Variants in STN1 observed in about 807,000 individuals in gnomAD.
The protein encoded by STN1 is CST complex subunit STN1.
In STN1, 29 loss-of-function variants were observed where a neutral mutation model predicts 45.5. That is an observed-to-expected ratio of 0.64 (90% CI 0.47 to 0.87). The LOEUF (loss-of-function observed/expected upper bound fraction) is 0.87, where lower values mean the gene tolerates loss of function less well. Ranked by LOEUF, STN1 falls within the 40% of genes least tolerant of loss-of-function variation. The probability of loss-of-function intolerance (pLI) is 0.00; values close to 1 mark genes in which losing one functional copy is unlikely to be tolerated. For synonymous variants in STN1, 148 were observed against 159.0 expected (o/e 0.93, Z 0.52); for missense variants, 376 against 441.4 (o/e 0.85, Z 1.33).
In STN1 at chr10:103,900,068, T is replaced by A. The variant is rs2487999; in HGVS notation, c.451A>T (p.Thr151Ser). ...AGAAATATCTTGTGCTTACAGTAAGTGGTGGCATGAATCTCTCGCTCTTCT... is the reference window on the plus strand; with the variant it reads ...AGAAATATCTTGTGCTTACAGTAAGAGGTGGCATGAATCTCTCGCTCTTCT... Reference protein sequence around the residue: ...YREEREIHATTYYKVDDPVWN... With the variant: ...YREEREIHATSYYKVDDPVWN... Residue 151 changes from threonine (T) to serine (S), a missense_variant, in exon 5 of 10, where the codon ACT becomes TCT. Physicochemically the swap from Thr to Ser is moderately conservative, Grantham distance 58. Coordinates refer to ENST00000224950, the MANE Select transcript of STN1 (RefSeq NM_024928.5). The A allele has an allele frequency of 5.0e-6, 8 of 1,613,818 alleles. No homozygotes were observed. The Admixed American group carries it at 5.0e-5, about 10-fold the overall frequency.
chr10:103,902,648 T>C (rs1038283836), intron 4 of STN1, among the ~76,000 whole-genome samples: 1 of 152,208 alleles, frequency 6.6e-6, no homozygotes, highest in African/African-American at 2.4e-5. Context: ...ACATTCAATG[T>C]GACATTTATG....
intron 7 of STN1, among the ~76,000 whole-genome samples, chr10:103,893,561 G>A (rs888202570): frequency 6.6e-6 from 1 of 152,196 alleles, no homozygotes; most frequent in African/African-American, 2.4e-5. Context: ...AAAAGCATTT[G>A]AAGGCCAAGT....
At chr10:103,886,281 G>T (rs1005745591) in intron 9 of STN1, among the ~76,000 whole-genome samples, 5 of 152,116 alleles carry the variant, frequency 3.3e-5, no homozygotes, top group Non-Finnish European at 7.3e-5. Context: ...AATTTTCTTC[G>T]GTGTGAAATG....
In STN1 at chr10:103,879,695, G is replaced by A. The variant is rs1390138651; in HGVS notation, c.*2989C>T. ...GTAGGAGAGTGGGAGCATTAACAGG[G>A]TGGCAACAGCTGCTGTGCTGTGAAC... On this transcript the variant is annotated 3_prime_UTR_variant, in exon 10 of 10. Transcript: ENST00000224950. 1 of 152,824 alleles carries A rather than the reference G, an allele frequency of 6.5e-6. No individual in the cohort carries two copies. The highest frequency in any genetic ancestry group is 6.5e-5 in the Admixed American group (1 of 15,288). 9.5% of individuals were successfully genotyped at this position (152,824 alleles called of 1,614,324 possible).
Position 103,882,806 on chromosome 10 carries a change from C to CCAAG in STN1, c.981_984dup (p.Ala329LeufsTer29). On this transcript the variant is annotated frameshift_variant, in exon 10 of 10. Transcript: ENST00000224950. LOFTEE classifies it high-confidence loss of function. ...GGGCGGATGCTCAGGCGAGCACAGG[C>CCAAG]CAAGATGTGCAGGAAGTGACAGCCC... is the stretch of plus-strand genomic sequence containing the variant. 1.9e-6 allele frequency: 3 copies of CCAAG among 1,613,806 alleles called. No homozygotes were observed. The highest frequency in any genetic ancestry group is 2.5e-6 in the Non-Finnish European group (3 of 1,179,850).
At chr10:103,914,317 G>C (rs1843310005) in intron 2 of STN1, among the ~76,000 whole-genome samples, 1 of 135,540 alleles carries the variant, frequency 7.4e-6, no homozygotes, top group African/African-American at 2.8e-5. Context: ...TGTATGTTAT[G>C]AGCTATTATT....
intron 2 of STN1, among the ~76,000 whole-genome samples, chr10:103,912,924 T>TC (rs1843300939): frequency 6.6e-6 from 1 of 152,162 alleles, no homozygotes; most frequent in Non-Finnish European, 1.5e-5. Flanking sequence ...ACATAGGCAA[T>TC]CAGAGGCAGA....
intron 9 of STN1, among the ~76,000 whole-genome samples, 195 bp downstream of exon 9, chr10:103,888,877 C>T (rs1428412234): frequency 1.3e-5 from 2 of 152,134 alleles, no homozygotes; most frequent in Non-Finnish European, 2.9e-5. Context: ...CAGCCAAGAT[C>T]ACAACAACTG....
chr10:103,885,877 G>A (rs1388726453), intron 9 of STN1, among the ~76,000 whole-genome samples: 1 of 152,144 alleles, frequency 6.6e-6, no homozygotes, highest in African/African-American at 2.4e-5. Flanking sequence ...ATCACTATGA[G>A]CGGTGATAAC....
At position 103,917,501 on chromosome 10, in the gene STN1, T is replaced by C; in HGVS notation, c.94A>G (p.Arg32Gly). ...GACTCCTTCATGTCCAGGATATCCC[T>C]GATGTAGAGTTTTGCAAAGGCTAGA... Reference protein sequence around the residue: ...VFLAFAKLYIRDILDMKESRQ... With the variant: ...VFLAFAKLYIGDILDMKESRQ... Residue 32 changes from arginine to glycine, a missense_variant, in exon 2 of 10, where the codon AGG (arginine) becomes GGG (glycine). Physicochemically the swap from Arg to Gly is moderately radical, Grantham distance 125. Transcript: ENST00000224950. The C allele has an allele frequency of 6.2e-7, 1 of 1,614,068 alleles. No individual in the cohort carries two copies. The highest frequency in any genetic ancestry group is 8.5e-7 in the Non-Finnish European group (1 of 1,179,970).
At chr10:103,887,695 C>CA (rs1344664756) in intron 9 of STN1, among the ~76,000 whole-genome samples, 1 of 152,170 alleles carries the variant, frequency 6.6e-6, no homozygotes, top group African/African-American at 2.4e-5. Flanking sequence ...CTCCCATTCA[C>CA]AGACTGAGTG....
In STN1 at chr10:103,892,210, T is replaced by C; in HGVS notation, c.796A>G (p.Ile266Val). 6.2e-7 allele frequency: 1 copy of C among 1,606,392 alleles called. No individual in the cohort carries two copies. The highest frequency in any genetic ancestry group is 8.5e-7 in the Non-Finnish European group (1 of 1,177,382). ...AGCAGTTGTATAGCATTCTTAAATA[T>C]ACTATGAATTGCCTTGGAAGTGGTG... ...KDTTSKAIHS[I>V]FKNAIQLLQE... is the part of the protein sequence containing the mutation. The change falls in exon 8 of 10, where the codon ATA (isoleucine) becomes GTA (valine). Residue 266 changes from isoleucine (I) to valine (V), a missense_variant. Transcript: ENST00000224950.
chr10:103,889,209 A>AC lies in STN1; in HGVS notation c.877-66dup, dbSNP rs564153165. On this transcript the variant is annotated intron_variant, in intron 8 of 9. Transcript: ENST00000224950. ...GTAACACAGCAGTTGTGTCATCCAGACTTCCAAATTAGTATTCAGGATAGT... is the reference window on the plus strand; with the variant it reads ...GTAACACAGCAGTTGTGTCATCCAGACCTTCCAAATTAGTATTCAGGATAGT... 1.2e-4 allele frequency: 115 copies of AC among 994,636 alleles called. No individual in the cohort carries two copies. In the South Asian group the frequency reaches 1.4e-3, roughly 12 times the overall value. 61.6% of individuals were successfully genotyped at this position (994,636 alleles called of 1,614,324 possible).
At chr10:103,903,453 T>G (rs1033623181) in intron 4 of STN1, among the ~76,000 whole-genome samples, 1 of 152,196 alleles carries the variant, frequency 6.6e-6, no homozygotes, top group Non-Finnish European at 1.5e-5. Context: ...TAACCCCCAA[T>G]GCAACAGTGT....
At chr10:103,908,915 TG>T (rs1564634785) in intron 3 of STN1, among the ~76,000 whole-genome samples, 7 of 150,118 alleles carry the variant, frequency 4.7e-5, no homozygotes, top group African/African-American at 1.7e-4. Flanking sequence ...GGGTGGGGGA[TG>T]GAAGAAAGGA....
chr10:103,882,806 C>A lies in STN1; in HGVS notation c.985G>T (p.Ala329Ser). The change falls in exon 10 of 10, where the codon GCC becomes TCC. Residue 329 changes from alanine (A) to serine (S), a missense_variant. Transcript: ENST00000224950. ...EKGCHFLHIL[A>S]CARLSIRPGL... is the part of the protein sequence containing the mutation. Reference sequence around the variant, plus strand: ...GGGCGGATGCTCAGGCGAGCACAGGCCAAGATGTGCAGGAAGTGACAGCCC... The same window carrying A: ...GGGCGGATGCTCAGGCGAGCACAGGACAAGATGTGCAGGAAGTGACAGCCC... The A allele has an allele frequency of 6.2e-7, 1 of 1,613,804 alleles. No individual in the cohort carries two copies. The highest frequency in any genetic ancestry group is 8.5e-7 in the Non-Finnish European group (1 of 1,179,850).
intron 2 of STN1, among the ~76,000 whole-genome samples, chr10:103,917,183 G>T (rs907211231): frequency 1.4e-5 from 2 of 138,780 alleles, no homozygotes. Flanking sequence ...AAAAACAAAT[G>T]AGCATTTTTA....
chr10:103,895,626 C>T (rs1000499664), intron 7 of STN1, among the ~76,000 whole-genome samples: 1 of 152,180 alleles, frequency 6.6e-6, no homozygotes, highest in Non-Finnish European at 1.5e-5. Context: ...CTCATCTCCT[C>T]GTATGAAACC....
chr10:103,880,629 G>A lies in STN1; in HGVS notation c.*2055C>T, dbSNP rs1201228413. On this transcript the variant is annotated 3_prime_UTR_variant, in exon 10 of 10. Coordinates refer to ENST00000224950, the MANE Select transcript of STN1 (RefSeq NM_024928.5). ...GATGTCAGTAGCAAACTGAATATAG[G>A]GGTCTGCAGTTCAGGGAAGAGGCCC... Among the ~76,000 whole-genome samples the A allele has an allele frequency of 6.6e-6, 1 of 152,168 alleles. No individual in the cohort carries two copies. The highest frequency in any genetic ancestry group is 1.9e-4 in the East Asian group (1 of 5,198).
Sources: allele counts gnomAD v4.1 joint callset (sites outside exome capture counted in the v4.1 genomes callset), GRCh38; gene constraint gnomAD v4.1.1; transcripts MANE v1.5; gene names NCBI Gene and HGNC (gene_info 2026-07-23, HGNC 2026-07-21).